The following RAB6A variants were observed in gnomAD, a reference collection of about 807,000 sequenced individuals.
The protein encoded by RAB6A is RAB6A, member RAS oncogene family.
RAB6A carries 8 observed loss-of-function variants against 32.3 expected under a neutral mutation model. That is an observed-to-expected ratio of 0.25 (90% CI 0.15 to 0.45). The LOEUF is 0.45. Ranked by LOEUF, RAB6A falls within the 20% of genes least tolerant of loss-of-function variation. The pLI is 1.00. For missense variants in RAB6A, 104 were observed against 249.4 expected (o/e 0.42, Z 3.93); for synonymous variants, 73 against 82.1 (o/e 0.89, Z 0.60).
At chr11:73,760,396 G>A (rs1017191202) in intron 1 of RAB6A, among the ~76,000 whole-genome samples, 170 bp downstream of exon 1, 5 of 152,130 alleles carry the variant, frequency 3.3e-5, no homozygotes, top group African/African-American at 9.7e-5. Context: ...GTAAAAACTC[G>A]GCCACTGGCG....
chr11:73,753,793 G>T (rs1392853836), intron 1 of RAB6A, among the ~76,000 whole-genome samples: 1 of 151,906 alleles, frequency 6.6e-6, no homozygotes, highest in Non-Finnish European at 1.5e-5. Context: ...GATTACAGGC[G>T]TGAGCCACCA....
chr11:73,738,214 C>T (rs1946432227), intron 1 of RAB6A, among the ~76,000 whole-genome samples: 1 of 151,864 alleles, frequency 6.6e-6, no homozygotes, highest in Non-Finnish European at 1.5e-5. Context: ...CACTAAGTTG[C>T]CCAAGCTGGT....
Position 73,676,391 on chromosome 11 carries a change from T to C in RAB6A, c.*1507A>G, listed in dbSNP as rs1356106247. On this transcript the variant is annotated 3_prime_UTR_variant, in exon 8 of 8. Coordinates refer to ENST00000336083, the MANE Select transcript of RAB6A (RefSeq NM_198896.2). ...AAAGATTAAAAGGGCACACTCCTAG[T>C]ATATTTGTTTGCAGTGTTTTAAGGG... 1 of 166,978 alleles carries C rather than the reference T, an allele frequency of 6.0e-6. No homozygotes were observed. Among genetic ancestry groups the C allele is most frequent in the Non-Finnish European group, 1.5e-5 (1 of 68,110 alleles). 10.3% of individuals were successfully genotyped at this position (166,978 alleles called of 1,614,324 possible).
intron 1 of RAB6A, among the ~76,000 whole-genome samples, chr11:73,759,334 A>G (rs896012827): frequency 6.6e-6 from 1 of 152,162 alleles, no homozygotes; most frequent in Non-Finnish European, 1.5e-5. Flanking sequence ...ACAGCATAAA[A>G]CTGGAATTAC....
intron 2 of RAB6A, 111 bp from the exon 3 acceptor site, chr11:73,721,010 T>C (rs1946126484): frequency 2.5e-6 from 2 of 809,548 alleles, no homozygotes; most frequent in African/African-American, 1.7e-5. Flanking sequence ...AACAAATCAA[T>C]ACAACATAGT....
At chr11:73,740,586 T>TA (rs142091572) in intron 1 of RAB6A, among the ~76,000 whole-genome samples, 14,199 of 150,646 alleles carry the variant, frequency 0.094, 784 homozygotes, top group South Asian at 0.27. Flanking sequence ...TAAAGTTAAT[T>TA]TAAAAAAAAA....
intron 6 of RAB6A, among the ~76,000 whole-genome samples, chr11:73,690,555 CT>C (rs60543922): frequency 0.48 from 71,053 of 147,460 alleles, 18,237 homozygotes; most frequent in East Asian, 0.6. Context: ...CCAGCTAATT[CT>C]TTTTTTTTTT....
chr11:73,726,529 C>A (rs1946224127), intron 2 of RAB6A, among the ~76,000 whole-genome samples: 1 of 124,206 alleles, frequency 8.1e-6, no homozygotes, highest in Non-Finnish European at 1.6e-5. Flanking sequence ...TTGCAGTGAG[C>A]CGAGATTGTG....
rs1238666420 is a variant in RAB6A, at chr11:73,722,305, G to GTGTGTATGTATA, written c.130-1407_130-1406insTATACATACACA. On this transcript the variant is annotated intron_variant, in intron 2 of 7. Transcript: ENST00000336083. ...AAAATTCAAATATATATGTGTGTGT[G>GTGTGTATGTATA]TATATATATATATATATATATATAT... 1.3e-3 allele frequency: 54 copies of GTGTGTATGTATA among 42,336 alleles called. 5 individuals are homozygous for GTGTGTATGTATA. The highest frequency in any genetic ancestry group is 5.2e-3 in the African/African-American group (53 of 10,104). The allele number at this position is 42,336 out of a possible 1,614,324, so 2.6% of individuals were successfully genotyped here.
intron 6 of RAB6A, among the ~76,000 whole-genome samples, chr11:73,689,641 C>A (rs1204267482): frequency 3.3e-5 from 5 of 152,204 alleles, no homozygotes; most frequent in African/African-American, 7.2e-5. Context: ...ATCTCTGAAT[C>A]CACTTATGAC....
chr11:73,750,191 A>G (rs1279609453), intron 1 of RAB6A, among the ~76,000 whole-genome samples: 1 of 152,182 alleles, frequency 6.6e-6, no homozygotes, highest in African/African-American at 2.4e-5. Flanking sequence ...GGCAAGGTTT[A>G]GTCAATCTCA....
chr11:73,701,224 T>A (rs1395881662), intron 6 of RAB6A, among the ~76,000 whole-genome samples: 1 of 152,346 alleles, frequency 6.6e-6, no homozygotes, highest in East Asian at 1.9e-4. Flanking sequence ...GAAAGACTTC[T>A]GTGTATCTTC....
rs765415666 is a variant in RAB6A at position 73,682,072 on chromosome 11, G to A, written c.496-2352C>T. 5.3e-5 allele frequency among the ~76,000 whole-genome samples: 8 copies of A among 152,174 alleles called. No individual in the cohort carries two copies. In the South Asian group the frequency reaches 8.3e-4, roughly 16 times the overall value. ...GTACACCATCAAAGATCATGTAGCT[G>A]TATAAATTACCATCATGTCAAATCA... is the stretch of plus-strand genomic sequence containing the variant. On this transcript the variant is annotated intron_variant, in intron 6 of 7. Transcript: ENST00000336083.
At chr11:73,718,515 T>TAC in intron 4 of RAB6A, 98 bp downstream of exon 4, 2 of 1,022,280 alleles carry the variant, frequency 2.0e-6, no homozygotes, top group Non-Finnish European at 2.8e-6. Context: ...AACTTATTTT[T>TAC]ACATGCCAGT....
chr11:73,724,327 C>T (rs940729617), intron 2 of RAB6A, among the ~76,000 whole-genome samples: 7 of 152,160 alleles, frequency 4.6e-5, no homozygotes, highest in African/African-American at 1.7e-4. Flanking sequence ...ACATCACAAA[C>T]TGACTAAAAG....
chr11:73,695,753 G>C (rs1473177694), intron 6 of RAB6A, among the ~76,000 whole-genome samples: 1 of 152,142 alleles, frequency 6.6e-6, no homozygotes, highest in African/African-American at 2.4e-5. Flanking sequence ...AACTTATTAA[G>C]TCCACGCTGA....
intron 2 of RAB6A, among the ~76,000 whole-genome samples, chr11:73,727,096 A>G (rs1159144518): frequency 6.6e-6 from 1 of 152,208 alleles, no homozygotes; most frequent in East Asian, 1.9e-4. Context: ...AAAACAATCA[A>G]TGTTGTTCTC....
chr11:73,697,126 T>C (rs1255948742), intron 6 of RAB6A, among the ~76,000 whole-genome samples: 1 of 152,058 alleles, frequency 6.6e-6, no homozygotes. Flanking sequence ...CATGACAAGT[T>C]CCTTTGAATT....
chr11:73,725,433 G>A (rs754966275), intron 2 of RAB6A, among the ~76,000 whole-genome samples: 2 of 152,172 alleles, frequency 1.3e-5, no homozygotes, highest in Non-Finnish European at 2.9e-5. Context: ...TGGCGCTGCC[G>A]ATAAAGACAT....
Sources: allele counts gnomAD v4.1 joint callset (sites outside exome capture counted in the v4.1 genomes callset), GRCh38; gene constraint gnomAD v4.1.1; transcripts MANE v1.5; gene names NCBI Gene and HGNC (gene_info 2026-07-23, HGNC 2026-07-21).